Variants in DNAJB4 observed in about 807,000 individuals in gnomAD.
DNAJB4 encodes dnaJ homolog subfamily B member 4.
A neutral mutation model predicts 26.6 loss-of-function variants in DNAJB4; 10 were observed. That is an observed-to-expected ratio of 0.38 (90% CI 0.23 to 0.64). The LOEUF is 0.64. DNAJB4 is among the 30% of genes least tolerant of loss of function. The pLI, the probability that DNAJB4 is intolerant of heterozygous loss-of-function variation, is 0.58. For missense variants in DNAJB4, 328 were observed against 408.2 expected, an observed-to-expected ratio of 0.80 and a Z score of 1.69; for synonymous variants, 136 against 134.8, an observed-to-expected ratio of 1.01 and a Z score of -0.06.
At chr1:78,006,810 T>C (rs1327059914) in intron 1 of DNAJB4, among the ~76,000 whole-genome samples, 1 of 152,228 alleles carries the variant, frequency 6.6e-6, no homozygotes, top group Non-Finnish European at 1.5e-5. Flanking sequence ...CTACCAATAA[T>C]GTACTACTAT....
At chr1:77,998,800 C>T (rs1660124765) in intron 1 of DNAJB4, among the ~76,000 whole-genome samples, 2 of 151,900 alleles carry the variant, frequency 1.3e-5, no homozygotes, top group African/African-American at 4.8e-5. Flanking sequence ...ATTGTGAGAT[C>T]AGGAACACAA....
intron 1 of DNAJB4, among the ~76,000 whole-genome samples, 190 bp downstream of exon 1, chr1:78,005,511 T>C (rs1660310399): frequency 6.6e-6 from 1 of 152,212 alleles, no homozygotes; most frequent in Admixed American, 6.5e-5. Flanking sequence ...TATGAATGAG[T>C]ATTGCAGAGC....
At chr1:77,997,314 C>CAA (rs371562329) in intron 1 of DNAJB4, among the ~76,000 whole-genome samples, 1,975 of 67,596 alleles carry the variant, frequency 0.029, 39 homozygotes, top group Middle Eastern at 0.069. Flanking sequence ...CCTGTCTCTA[C>CAA]AAAAAAAAAA....
At chr1:78,003,669 A>T (rs1458630476), upstream of DNAJB4, among the ~76,000 whole-genome samples, 2 of 152,196 alleles carry the variant, frequency 1.3e-5, no homozygotes, top group Non-Finnish European at 2.9e-5. Context: ...TAGAAATGGG[A>T]ACATTTTTGA....
chr1:77,982,198 C>T (rs192946641), intron 1 of DNAJB4, among the ~76,000 whole-genome samples: 1 of 152,246 alleles, frequency 6.6e-6, no homozygotes, highest in Non-Finnish European at 1.5e-5. Context: ...TAAATTGATC[C>T]TATACTTGTT....
intron 1 of DNAJB4, among the ~76,000 whole-genome samples, chr1:77,989,872 G>T (rs1289736595): frequency 6.6e-6 from 1 of 152,206 alleles, no homozygotes; most frequent in African/African-American, 2.4e-5. Context: ...AGGATTGTAA[G>T]AATTTCATTA....
Position 78,012,995 on chromosome 1 carries a change from G to A in DNAJB4, c.212-56G>A, listed in dbSNP as rs1392832175. 2.9e-5 allele frequency: 42 copies of A among 1,467,794 alleles called. No individual in the cohort carries two copies. The East Asian group carries it at 9.5e-4, about 33-fold the overall frequency. The allele number at this position is 1,467,794 out of a possible 1,614,324, so 90.9% of individuals were successfully genotyped here. ...TTTATTAGCAATACAGTTTTTGAAA[G>A]TTTAACTTTTAAGAGTTGCAAGCTT... On this transcript the variant is annotated intron_variant, in intron 1 of 2. Transcript: ENST00000370763.
At chr1:78,014,307 C>T (rs898553295) in intron 2 of DNAJB4, among the ~76,000 whole-genome samples, 2 of 151,924 alleles carry the variant, frequency 1.3e-5, no homozygotes, top group Non-Finnish European at 1.5e-5. Context: ...AGGGTTTTAC[C>T]ATGTTGGCCA....
At chr1:78,004,786 G>T (rs547302697), upstream of DNAJB4, 96 of 270,798 alleles carry the variant, frequency 3.5e-4, no homozygotes, top group Non-Finnish European at 6.2e-4. Context: ...AGAAAACATA[G>T]CTCAGTACTT....
At chr1:77,979,653 T>G (rs1659442273), upstream of DNAJB4, 1 of 152,324 alleles carries the variant, frequency 6.6e-6, no homozygotes, top group African/African-American at 2.4e-5. Flanking sequence ...ACTTACAGAC[T>G]GTCCGATTTT....
intron 1 of DNAJB4, among the ~76,000 whole-genome samples, chr1:77,985,657 G>T (rs1415135302): frequency 1.3e-5 from 2 of 151,986 alleles, no homozygotes; most frequent in African/African-American, 2.4e-5. Context: ...CCTTAACTAT[G>T]CACTTTGATA....
upstream of DNAJB4, among the ~76,000 whole-genome samples, chr1:77,999,957 G>T (rs1379895558): frequency 6.6e-6 from 1 of 152,184 alleles, no homozygotes; most frequent in Admixed American, 6.5e-5. Flanking sequence ...AGGCTGGACA[G>T]ATCTTCTGAT....
chr1:77,993,403 TC>T (rs1659983540), intron 1 of DNAJB4, among the ~76,000 whole-genome samples: 1 of 152,066 alleles, frequency 6.6e-6, no homozygotes, highest in African/African-American at 2.4e-5. Flanking sequence ...AACCTCCACC[TC>T]CCGGGTTTAA....
intron 1 of DNAJB4, among the ~76,000 whole-genome samples, chr1:77,988,739 T>C (rs921656021): frequency 6.6e-6 from 1 of 152,228 alleles, no homozygotes; most frequent in African/African-American, 2.4e-5. Context: ...CATTTTCTGC[T>C]TTATTTTTCT....
At chr1:78,014,826 C>G (rs539525540) in intron 2 of DNAJB4, among the ~76,000 whole-genome samples, 3 of 152,220 alleles carry the variant, frequency 2.0e-5, no homozygotes, top group Admixed American at 1.3e-4. Flanking sequence ...GTCTTGAACT[C>G]TTGACCTCAA....
chr1:77,988,505 C>T (rs1659853920), intron 1 of DNAJB4, among the ~76,000 whole-genome samples: 1 of 152,166 alleles, frequency 6.6e-6, no homozygotes, highest in Admixed American at 6.5e-5. Context: ...TCTTTCAACC[C>T]CTTCACCATC....
upstream of DNAJB4, among the ~76,000 whole-genome samples, chr1:78,000,245 C>T (rs1198842926): frequency 2.0e-5 from 3 of 152,166 alleles, no homozygotes; most frequent in Non-Finnish European, 4.4e-5. Flanking sequence ...AGATCATCAT[C>T]ATGATAAGAG....
chr1:77,984,015 T>C (rs1300878805), intron 1 of DNAJB4, among the ~76,000 whole-genome samples: 7 of 152,170 alleles, frequency 4.6e-5, no homozygotes, highest in Non-Finnish European at 1.0e-4. Flanking sequence ...AATAATTAAA[T>C]GGGAAGTGAT....
chr1:78,010,582 C>G (rs1660441772), intron 1 of DNAJB4, among the ~76,000 whole-genome samples: 1 of 152,160 alleles, frequency 6.6e-6, no homozygotes, highest in Admixed American at 6.5e-5. Context: ...ATTATTAGGT[C>G]TCTCTTGATC....
Sources: allele counts gnomAD v4.1 joint callset (sites outside exome capture counted in the v4.1 genomes callset), GRCh38; gene constraint gnomAD v4.1.1; transcripts MANE v1.5; gene names NCBI Gene and HGNC (gene_info 2026-07-23, HGNC 2026-07-21).